C2orf69: variants seen among roughly 807,000 people sequenced by gnomAD.
C2orf69 encodes the protein mitochondrial protein C2orf69.
Under a neutral mutation model 29.5 loss-of-function variants are expected in C2orf69, and 19 were observed. The observed-to-expected ratio is 0.65, with a 90% confidence interval of 0.45 to 0.95. The LOEUF is 0.95. C2orf69 is among the 40% of genes least tolerant of loss of function. The pLI is 0.00. For synonymous variants in C2orf69, 194 were observed against 180.0 expected, an observed-to-expected ratio of 1.08 and a Z score of -0.62; for missense variants, 416 against 482.1, an observed-to-expected ratio of 0.86 and a Z score of 1.28.
rs2077274894 is a variant in C2orf69 at position 199,913,181 on chromosome 2, AATTATATAT to A, written c.333+1421_333+1429del. ...TATTTTATATATATATTATATATAA[AATTATATAT>A]ATTATATATAATATATAATATATTA... On this transcript the variant is annotated intron_variant, in intron 1 of 1. Transcript: ENST00000319974. Among the ~76,000 whole-genome samples the A allele has an allele frequency of 2.7e-5, 3 of 112,416 alleles. No homozygotes were observed. In the South Asian group the frequency reaches 7.1e-4, roughly 27 times the overall value. The allele number at this position is 112,416 out of a possible 152,430, so 73.7% of individuals were successfully genotyped here. A position where few individuals can be genotyped will look rare whatever the true frequency, so the allele number is the denominator to read the frequency against.
chr2:199,918,800 C>G (rs2077302964), intron 1 of C2orf69, among the ~76,000 whole-genome samples: 1 of 152,200 alleles, frequency 6.6e-6, no homozygotes, highest in Non-Finnish European at 1.5e-5. Flanking sequence ...TTTCTTTTCC[C>G]AACCACTAAC....
chr2:199,916,666 C>T (rs998452146), intron 1 of C2orf69, among the ~76,000 whole-genome samples: 3 of 152,070 alleles, frequency 2.0e-5, no homozygotes, highest in East Asian at 3.9e-4. Flanking sequence ...CATGCAGGTC[C>T]GAAATCCAAT....
At chr2:199,921,302 G>A (rs934672648) in intron 1 of C2orf69, among the ~76,000 whole-genome samples, 9 of 151,892 alleles carry the variant, frequency 5.9e-5, no homozygotes, top group African/African-American at 7.3e-5. Flanking sequence ...TACTGTGCCC[G>A]GCCTGGGAAT....
Position 199,925,643 on chromosome 2 carries a change from A to G in C2orf69, c.915A>G (p.Gly305=). ...ATTGGCTGGATGGTGGTCATTCTGG[A>G]GGAAGCAATACTTGGGTTACTTATC... ...TMYWLDGGHS[G]GSNTWVTYPE... Residue 305 remains glycine, a synonymous_variant, in exon 2 of 2, where the codon GGA becomes GGG. Transcript: ENST00000319974. The surrounding 1 kb of genome is among the most constrained non-coding windows in gnomAD (Gnocchi z 4.9). 1 of 1,613,938 alleles carries G rather than the reference A, an allele frequency of 6.2e-7. No homozygotes were observed. The highest frequency in any genetic ancestry group is 8.5e-7 in the Non-Finnish European group (1 of 1,179,832).
At position 199,915,663 on chromosome 2, in the gene C2orf69, C is replaced by T. The variant is rs761759131; in HGVS notation, c.333+3892C>T. ...CTGGGACTACAGGAGCATGCCACCA[C>T]GCCTGGCTAATTTTTCTTTTTTTTT... is the stretch of plus-strand genomic sequence containing the variant. On this transcript the variant is annotated intron_variant, in intron 1 of 1. Coordinates refer to ENST00000319974, the MANE Select transcript of C2orf69 (RefSeq NM_153689.6). 1.4e-4 allele frequency among the ~76,000 whole-genome samples: 22 copies of T among 152,120 alleles called. No homozygotes were observed. The East Asian group carries it at 3.5e-3, about 24-fold the overall frequency.
Position 199,926,071 on chromosome 2 carries a change from TATTA to T in C2orf69, c.*189_*192del. The T allele has an allele frequency of 9.2e-6, 5 of 541,752 alleles. No individual in the cohort carries two copies. The highest frequency in any genetic ancestry group is 5.6e-5 in the East Asian group (2 of 35,404). The allele number at this position is 541,752 out of a possible 1,614,324, so 33.6% of individuals were successfully genotyped here. A position where few individuals can be genotyped will look rare whatever the true frequency, so the allele number is the denominator to read the frequency against. On this transcript the variant is annotated 3_prime_UTR_variant, in exon 2 of 2. Coordinates refer to ENST00000319974, the MANE Select transcript of C2orf69 (RefSeq NM_153689.6). ...TTTTTTGCTTGTGAATGTGAGCAGT[TATTA>T]ATTTGGATTGAGTTAGAATTAGTTA...
intron 1 of C2orf69, among the ~76,000 whole-genome samples, chr2:199,916,784 C>T (rs1401014481): frequency 3.9e-5 from 6 of 152,334 alleles, no homozygotes; most frequent in African/African-American, 1.4e-4. Flanking sequence ...TTGCAGGGTA[C>T]AGCCCCCCTC....
chr2:199,922,897 C>T (rs2077322535), intron 1 of C2orf69, among the ~76,000 whole-genome samples: 1 of 152,190 alleles, frequency 6.6e-6, no homozygotes, highest in African/African-American at 2.4e-5. Flanking sequence ...CCTTTCAGAG[C>T]AAAAGCCGAA....
rs1183856333 is a variant in C2orf69, at chr2:199,925,679, G to A, written c.951G>A (p.Leu317=). 1.2e-6 allele frequency: 2 copies of A among 1,613,886 alleles called. No homozygotes were observed. The highest frequency in any genetic ancestry group is 1.3e-5 in the African/African-American group (1 of 75,042). Residue 317 remains leucine (L), a synonymous_variant, in exon 2 of 2, where the codon TTG becomes TTA. Transcript: ENST00000319974. The surrounding 1 kb of genome is among the most constrained non-coding windows in gnomAD (Gnocchi z 4.9). The part of the protein sequence containing the change: ...SNTWVTYPEV[L]KEFAQTGIIV... The stretch of plus-strand genomic sequence containing the variant: ...CTTGGGTTACTTATCCAGAAGTCTT[G>A]AAAGAATTTGCACAAACAGGAATTA...
chr2:199,919,143 G>A (rs926513215), intron 1 of C2orf69, among the ~76,000 whole-genome samples: 1 of 152,094 alleles, frequency 6.6e-6, no homozygotes, highest in Admixed American at 6.5e-5. Flanking sequence ...TCGTAGAAAC[G>A]AGGGTCTCAT....
At chr2:199,919,406 A>C (rs768965811) in intron 1 of C2orf69, among the ~76,000 whole-genome samples, 3 of 152,254 alleles carry the variant, frequency 2.0e-5, no homozygotes, top group Non-Finnish European at 4.4e-5. Flanking sequence ...ATAGACGATC[A>C]TGCCCTAAGT....
At chr2:199,912,710 G>C (rs921552191) in intron 1 of C2orf69, among the ~76,000 whole-genome samples, 1 of 151,960 alleles carries the variant, frequency 6.6e-6, no homozygotes, top group African/African-American at 2.4e-5. Flanking sequence ...GCGCAGTCTC[G>C]ACTCACTGCA....
intron 1 of C2orf69, among the ~76,000 whole-genome samples, chr2:199,917,128 G>C (rs1341747586): frequency 6.6e-6 from 1 of 152,218 alleles, no homozygotes; most frequent in African/African-American, 2.4e-5. Flanking sequence ...TGAAGCAACA[G>C]CCTGAGCTAT....
chr2:199,911,836 C>A, intron 1 of C2orf69, 65 bp downstream of exon 1: 1 of 1,531,980 alleles, frequency 6.5e-7, no homozygotes, highest in South Asian at 1.2e-5. Flanking sequence ...GTCACTGATT[C>A]TTCCCTCGTG....
chr2:199,924,104 G>A (rs1038336657), intron 1 of C2orf69, among the ~76,000 whole-genome samples: 2 of 152,136 alleles, frequency 1.3e-5, no homozygotes, highest in African/African-American at 4.8e-5. Context: ...TAAATAAGGT[G>A]TAAATACAAA....
In C2orf69 at chr2:199,927,974, TTAAGAG is replaced by T. The variant is rs1356656777; in HGVS notation, c.*2093_*2098del. 1 of 152,198 alleles carries T rather than the reference TTAAGAG, an allele frequency of 6.6e-6. No homozygotes were observed. The highest frequency in any genetic ancestry group is 1.5e-5 in the Non-Finnish European group (1 of 67,970). 9.4% of individuals were successfully genotyped at this position (152,198 alleles called of 1,614,324 possible). A position where few individuals can be genotyped will look rare whatever the true frequency, so the allele number is the denominator to read the frequency against. ...ATAATTGTTACATGTTGAATGGGTA[TTAAGAG>T]TAAGTCACCAGGTACACAAAACTGC... On this transcript the variant is annotated 3_prime_UTR_variant, in exon 2 of 2. Coordinates refer to ENST00000319974, the MANE Select transcript of C2orf69 (RefSeq NM_153689.6).
chr2:199,918,055 T>G (rs2077300429), intron 1 of C2orf69, among the ~76,000 whole-genome samples: 1 of 152,114 alleles, frequency 6.6e-6, no homozygotes, highest in Non-Finnish European at 1.5e-5. Flanking sequence ...TTGTAAAAAC[T>G]CACTGTCACC....
In C2orf69 at chr2:199,925,493, C is replaced by T. The variant is rs12476690; in HGVS notation, c.765C>T (p.Asp255=). Residue 255 remains aspartate (D), a synonymous_variant, in exon 2 of 2, where the codon GAC becomes GAT. Coordinates refer to ENST00000319974, the MANE Select transcript of C2orf69 (RefSeq NM_153689.6). The surrounding 1 kb of genome is among the most constrained non-coding windows in gnomAD (Gnocchi z 4.9). Reference sequence around the variant, plus strand: ...GTTTTTATCCACCATCACTAAATGACGCATCTTTTACTTTGATTGGATTCA... The same window carrying T: ...GTTTTTATCCACCATCACTAAATGATGCATCTTTTACTTTGATTGGATTCA... The part of the protein sequence containing the change: ...AMSFYPPSLN[D]ASFTLIGFSK... The T allele has an allele frequency of 0.042, 67,395 of 1,613,666 alleles. 2,431 individuals carry two copies. The highest frequency in any genetic ancestry group is 0.19 in the East Asian group (8,575 of 44,860).
At chr2:199,912,157 T>G (rs756007396) in intron 1 of C2orf69, among the ~76,000 whole-genome samples, 11 of 152,172 alleles carry the variant, frequency 7.2e-5, no homozygotes, top group Non-Finnish European at 1.3e-4. Context: ...TCAAATTAAG[T>G]TAGCACGTAG....
Sources: allele counts gnomAD v4.1 joint callset (sites outside exome capture counted in the v4.1 genomes callset), GRCh38; gene constraint gnomAD v4.1.1; non-coding constraint Gnocchi (gnomAD v3.1); transcripts MANE v1.5; gene names NCBI Gene and HGNC (gene_info 2026-07-23, HGNC 2026-07-21).